The following DOCK11 variants were observed in gnomAD, a reference collection of about 807,000 sequenced individuals.
DOCK11 encodes the protein dedicator of cytokinesis protein 11.
DOCK11 carries 70 observed loss-of-function variants against 169.1 expected under a neutral mutation model. That is an observed-to-expected ratio of 0.41 (90% CI 0.34 to 0.51). DOCK11 has a LOEUF of 0.51. DOCK11 is among the 20% of genes least tolerant of loss of function. The pLI is 0.10. For missense variants in DOCK11, 1,166 were observed against 1,538.8 expected, an observed-to-expected ratio of 0.76 and a Z score of 4.05; for synonymous variants, 529 against 541.3, an observed-to-expected ratio of 0.98 and a Z score of 0.32.
chrX:118,630,317 A>G, intron 34 of DOCK11, 62 bp from the exon 35 acceptor site: 2 of 638,764 alleles, frequency 3.1e-6, no homozygotes, highest in Non-Finnish European at 4.8e-6. Context: ...AAAAAGAGTT[A>G]CTGAGTTAAA....
chrX:118,553,767 G>T (rs2012584301), intron 6 of DOCK11, among the ~76,000 whole-genome samples: 1 of 112,013 alleles, frequency 8.9e-6, no homozygotes. Context: ...AAAAGGAAGA[G>T]AAAATATTTT....
chrX:118,670,034 A>G (rs1257031053), intron 45 of DOCK11, among the ~76,000 whole-genome samples: 1 of 111,590 alleles, frequency 9.0e-6, no homozygotes, highest in Non-Finnish European at 1.9e-5. Context: ...CAATGACTTT[A>G]TTTTCAAATA....
intron 24 of DOCK11, among the ~76,000 whole-genome samples, chrX:118,606,230 C>T (rs1347185807): frequency 9.1e-6 from 1 of 109,772 alleles, no homozygotes. Flanking sequence ...CCACCATGCC[C>T]GGTTAATTTT....
intron 44 of DOCK11, among the ~76,000 whole-genome samples, chrX:118,657,768 T>G (rs1197566701): frequency 9.0e-6 from 1 of 111,312 alleles, no homozygotes; most frequent in Non-Finnish European, 1.9e-5. Context: ...TTCTTGCTTA[T>G]AAGTGGGAGC....
chrX:118,671,259 G>C, intron 46 of DOCK11, 114 bp downstream of exon 46: 1 of 635,063 alleles, frequency 1.6e-6, no homozygotes, highest in Non-Finnish European at 2.3e-6. Context: ...AAGAATATAA[G>C]GTTCATTACA....
intron 12 of DOCK11, among the ~76,000 whole-genome samples, chrX:118,576,598 G>A (rs961175000): frequency 1.8e-5 from 2 of 112,130 alleles, no homozygotes; most frequent in African/African-American, 3.2e-5. Context: ...AATAAGGTGC[G>A]TGGTTCTAAG....
Position 118,624,623 on chromosome X carries a change from A to G in DOCK11, c.3556A>G (p.Thr1186Ala). 1 of 1,204,474 alleles carries G rather than the reference A, an allele frequency of 8.3e-7. No homozygotes were observed. Among genetic ancestry groups the G allele is most frequent in the East Asian group, 3.0e-5 (1 of 33,811 alleles). ...TATACAGCGATTAGCAGGTCGAGAT[A>G]CCTTGTATTCTTGTGCAGCCATGCC... ...ENIQRLAGRD[T>A]LYSCAAMPNS... The change falls in exon 32 of 53, where the codon ACC becomes GCC. Residue 1186 changes from threonine (T) to alanine (A), a missense_variant. Thr to Ala is a moderately conservative substitution (Grantham distance 58, BLOSUM62 0). Transcript: ENST00000276202.
At chrX:118,630,080 T>C (rs1465078287) in intron 34 of DOCK11, among the ~76,000 whole-genome samples, 3 of 111,419 alleles carry the variant, frequency 2.7e-5, no homozygotes, top group African/African-American at 9.8e-5. Context: ...GTAAAAGCTA[T>C]CTTTCCTTAA....
chrX:118,614,765 A>G lies in DOCK11; in HGVS notation c.3170A>G (p.Lys1057Arg). ...GACTATATATCTGGATTCAGCCCCAAAGATCCTAAGGTAAGTTATAAGGAC... is the reference window on the plus strand; with the variant it reads ...GACTATATATCTGGATTCAGCCCCAGAGATCCTAAGGTAAGTTATAAGGAC... ...INDYISGFSP[K>R]DPKVLAEYKF... The change falls in exon 29 of 53, where the codon AAA (lysine) becomes AGA (arginine). Residue 1057 changes from lysine to arginine, a missense_variant. Physicochemically the swap from Lys to Arg is conservative, Grantham distance 26. Transcript: ENST00000276202. The G allele has an allele frequency of 8.6e-7, 1 of 1,163,797 alleles. No individual in the cohort carries two copies. The highest frequency in any genetic ancestry group is 1.8e-5 in the South Asian group (1 of 54,146).
intron 1 of DOCK11, among the ~76,000 whole-genome samples, chrX:118,516,736 A>C (rs2057692415): frequency 8.9e-6 from 1 of 112,405 alleles, no homozygotes; most frequent in African/African-American, 3.2e-5. Flanking sequence ...CACCCGGCTG[A>C]CATCTATATT....
intron 1 of DOCK11, among the ~76,000 whole-genome samples, chrX:118,533,903 A>G (rs1198456957): frequency 1.8e-5 from 2 of 112,340 alleles, no homozygotes; most frequent in Non-Finnish European, 3.8e-5. Flanking sequence ...TGCAGGAATG[A>G]ATTATTTGCA....
chrX:118,655,082 C>G, intron 44 of DOCK11, 121 bp downstream of exon 44: 1 of 639,820 alleles, frequency 1.6e-6, no homozygotes, highest in Non-Finnish European at 2.4e-6. Flanking sequence ...CACCCTTGGC[C>G]TTATTCAGTG....
At chrX:118,615,570 T>G in intron 29 of DOCK11, 30 bp from the exon 30 acceptor site, 33 of 1,090,244 alleles carry the variant, frequency 3.0e-5, no homozygotes, top group Non-Finnish European at 3.7e-5. Flanking sequence ...CTACTAAATA[T>G]GAGCTAATGT....
At chrX:118,648,918 C>T (rs1453919617) in intron 40 of DOCK11, 27 bp from the exon 41 acceptor site, 2 of 1,140,634 alleles carry the variant, frequency 1.8e-6, no homozygotes. Flanking sequence ...ATTTTAAATA[C>T]TTATTTCTGT....
At chrX:118,544,686 G>A (rs1344500148) in intron 4 of DOCK11, among the ~76,000 whole-genome samples, 1 of 45,599 alleles carries the variant, frequency 2.2e-5, no homozygotes, top group African/African-American at 8.6e-5. Context: ...TTGAGACAGA[G>A]TTTCGCTCTT....
chrX:118,593,091 A>G (rs767472358), intron 19 of DOCK11, 123 bp from the exon 20 acceptor site: 17 of 688,924 alleles, frequency 2.5e-5, no homozygotes, highest in Non-Finnish European at 3.4e-5. Flanking sequence ...GATACCTACT[A>G]TTTGGCCACT....
Position 118,658,160 on chromosome X carries a change from C to T in DOCK11, c.4969+3199C>T, listed in dbSNP as rs182168104. ...CAAAGATAATTGGGCACCTTTAGAACTCTTTGTTTTCTATCATTAAGTGCC... is the reference window on the plus strand; with the variant it reads ...CAAAGATAATTGGGCACCTTTAGAATTCTTTGTTTTCTATCATTAAGTGCC... On this transcript the variant is annotated intron_variant, in intron 44 of 52. Transcript: ENST00000276202. Among the ~76,000 whole-genome samples, 5 of 111,793 alleles carry T rather than the reference C, an allele frequency of 4.5e-5. No homozygotes were observed. The East Asian group carries it at 1.4e-3, about 31-fold the overall frequency.
chrX:118,508,625 A>C (rs547422956), intron 1 of DOCK11, among the ~76,000 whole-genome samples: 1 of 111,400 alleles, frequency 9.0e-6, no homozygotes, highest in South Asian at 4.0e-4. Context: ...TCGTTATTTC[A>C]AAGCTCACAG....
chrX:118,647,622 ATATAT>A lies in DOCK11; in HGVS notation c.4399-1317_4399-1313del, dbSNP rs1370988565. ...TTAATATATAAATATAATATATAAGATATATTATATGTTAATATATTATATGTTTA... is the reference window on the plus strand; with the variant it reads ...TTAATATATAAATATAATATATAAGATATATGTTAATATATTATATGTTTA... On this transcript the variant is annotated intron_variant, in intron 40 of 52. Coordinates refer to ENST00000276202, the MANE Select transcript of DOCK11 (RefSeq NM_144658.4). Among the ~76,000 whole-genome samples the A allele has an allele frequency of 9.0e-3, 579 of 64,420 alleles. 8 individuals are homozygous for A. Among genetic ancestry groups the A allele is most frequent in the African/African-American group, 0.035 (550 of 15,527 alleles). The allele number at this position is 64,420 out of a possible 115,157, so 55.9% of individuals were successfully genotyped here.
Sources: gnomAD v4.1 joint callset for allele counts (sites outside exome capture counted in the v4.1 genomes callset) on GRCh38, gnomAD v4.1.1 for gene constraint, MANE v1.5 for transcripts, NCBI Gene and HGNC (gene_info 2026-07-23, HGNC 2026-07-21) for gene names.